The following PRUNE2 variants were observed in gnomAD, a reference collection of about 807,000 sequenced individuals.
The protein encoded by PRUNE2 is prune homolog 2 with BCH domain, also known as protein prune homolog 2.
Under a neutral mutation model 252.0 loss-of-function variants are expected in PRUNE2, and 164 were observed. The observed-to-expected ratio is 0.65, with a 90% CI of 0.57 to 0.74. The LOEUF is 0.74. PRUNE2 is among the 30% of genes least tolerant of loss of function. The probability of loss-of-function intolerance (pLI) is 0.00; values close to 1 mark genes in which losing one functional copy is unlikely to be tolerated. For synonymous variants in PRUNE2, 1,292 were observed against 1,350.2 expected (o/e 0.96, Z 0.94); for missense variants, 3,495 against 3,711.0 (o/e 0.94, Z 1.51).
chr9:76,789,842 C>T (rs2055384194), intron 6 of PRUNE2, among the ~76,000 whole-genome samples: 1 of 152,020 alleles, frequency 6.6e-6, no homozygotes, highest in East Asian at 1.9e-4. Flanking sequence ...TCTTGGTGGT[C>T]CCTAATGATG....
In PRUNE2 at chr9:76,622,822, G is replaced by T. The variant is rs188879417; in HGVS notation, c.9188+1630C>A. Among the ~76,000 whole-genome samples the T allele has an allele frequency of 3.1e-3, 468 of 152,282 alleles. 3 individuals carry two copies. The highest frequency in any genetic ancestry group is 5.6e-3 in the Admixed American group (85 of 15,290). On this transcript the variant is annotated intron_variant, in intron 17 of 18. Transcript: ENST00000376718. Reference sequence around the variant, plus strand: ...TTTGAGTTTCATTATCTAATTGGGTGTCAGTTATCTTGAAAGAAAATGAGA... The same window carrying T: ...TTTGAGTTTCATTATCTAATTGGGTTTCAGTTATCTTGAAAGAAAATGAGA...
intron 6 of PRUNE2, among the ~76,000 whole-genome samples, chr9:76,733,891 T>C (rs1404028509): frequency 1.3e-5 from 2 of 152,154 alleles, no homozygotes; most frequent in Non-Finnish European, 2.9e-5. Flanking sequence ...AAAGATTTTT[T>C]TTTAAAGCAG....
At chr9:76,684,554 T>G (rs1490004638) in intron 9 of PRUNE2, among the ~76,000 whole-genome samples, 7 of 152,168 alleles carry the variant, frequency 4.6e-5, no homozygotes, top group African/African-American at 1.7e-4. Context: ...TAACTTAGGG[T>G]TTCAATATTC....
chr9:76,806,954 C>T (rs932653281), intron 6 of PRUNE2, among the ~76,000 whole-genome samples: 6 of 151,678 alleles, frequency 4.0e-5, no homozygotes, highest in African/African-American at 9.7e-5. Flanking sequence ...GATCAGAAGC[C>T]GGTATGTGTC....
At chr9:76,831,580 A>T (rs2132116981) in intron 4 of PRUNE2, among the ~76,000 whole-genome samples, 1 of 152,248 alleles carries the variant, frequency 6.6e-6, no homozygotes, top group South Asian at 2.1e-4. Context: ...AGGTTCTAAG[A>T]TTGTCAGGGA....
chr9:76,884,831 ATTTGCTAAGGTAAC>A lies in PRUNE2; in HGVS notation c.36+21083_36+21096del, dbSNP rs1203701511. ...AACAGGATTCCAGAAAAGGCCAGTT[ATTTGCTAAGGTAAC>A]ACAGCTCCTACTTAGAAAGGAAAGC... On this transcript the variant is annotated intron_variant, in intron 1 of 18. Coordinates refer to ENST00000376718, the MANE Select transcript of PRUNE2 (RefSeq NM_015225.3). Among the ~76,000 whole-genome samples the A allele has an allele frequency of 9.2e-5, 14 of 152,356 alleles. No homozygotes were observed. In the East Asian group the frequency reaches 2.7e-3, roughly 29 times the overall value.
At chr9:76,675,704 G>C (rs2042407909) in intron 9 of PRUNE2, among the ~76,000 whole-genome samples, 1 of 120,622 alleles carries the variant, frequency 8.3e-6, no homozygotes, top group Non-Finnish European at 1.8e-5. Flanking sequence ...AGAAAATGTG[G>C]CACATATACA....
chr9:76,891,611 A>G (rs898275525), intron 1 of PRUNE2, among the ~76,000 whole-genome samples: 1 of 152,260 alleles, frequency 6.6e-6, no homozygotes, highest in Non-Finnish European at 1.5e-5. Flanking sequence ...CAGGATGAAT[A>G]GATTTCACCG....
Position 76,710,588 on chromosome 9 carries a change from G to A in PRUNE2, c.1686C>T (p.Ser562=). 3 of 1,613,732 alleles carry A rather than the reference G, an allele frequency of 1.9e-6. No individual in the cohort carries two copies. Among genetic ancestry groups the A allele is most frequent in the Non-Finnish European group, 2.5e-6 (3 of 1,179,768 alleles). Residue 562 remains serine, a synonymous_variant, in exon 8 of 19, where the codon AGC becomes AGT. Transcript: ENST00000376718. The part of the protein sequence containing the change: ...SSLLSGAGKD[S]LVEHDEEFVQ... Reference sequence around the variant, plus strand: ...CAAACTCCTCATCATGTTCCACAAGGCTATCTTTGCCAGCCCCTGACAAAA... The same window carrying A: ...CAAACTCCTCATCATGTTCCACAAGACTATCTTTGCCAGCCCCTGACAAAA...
chr9:76,708,622 T>C lies in PRUNE2; in HGVS notation c.3652A>G (p.Ser1218Gly). 1.2e-6 allele frequency: 2 copies of C among 1,613,984 alleles called. No individual in the cohort carries two copies. The highest frequency in any genetic ancestry group is 1.1e-5 in the South Asian group (1 of 91,082). The change falls in exon 8 of 19, where the codon AGT becomes GGT. Residue 1218 changes from serine (S) to glycine (G), a missense_variant. Ser to Gly is a moderately conservative substitution (Grantham distance 56, BLOSUM62 0). Coordinates refer to ENST00000376718, the MANE Select transcript of PRUNE2 (RefSeq NM_015225.3). ...TCTCTCATGACAGAATCCCAAATACTGTTTGCAATTAGCTGCCCACTTTTC... is the reference window on the plus strand; with the variant it reads ...TCTCTCATGACAGAATCCCAAATACCGTTTGCAATTAGCTGCCCACTTTTC... ...NEKSGQLIAN[S>G]IWDSVMRDKD... is the part of the protein sequence containing the mutation.
intron 1 of PRUNE2, among the ~76,000 whole-genome samples, chr9:76,868,303 C>T (rs1042056894): frequency 5.3e-5 from 8 of 152,128 alleles, no homozygotes; most frequent in African/African-American, 1.9e-4. Flanking sequence ...TGTCTTTTTC[C>T]ACTCTTCCAA....
At chr9:76,676,257 AT>A (rs1473339242) in intron 9 of PRUNE2, among the ~76,000 whole-genome samples, 5 of 134,744 alleles carry the variant, frequency 3.7e-5, no homozygotes, top group Non-Finnish European at 4.8e-5. Context: ...AAAAAAAAAA[AT>A]CTTCCACTCA....
Position 76,708,796 on chromosome 9 carries a change from C to T in PRUNE2, c.3478G>A (p.Gly1160Ser). ...GTAAATCGGGTTTCCGGCTCGGAACCTTCAGCCATGTATCCTTCTGTTTGA... is the reference window on the plus strand; with the variant it reads ...GTAAATCGGGTTTCCGGCTCGGAACTTTCAGCCATGTATCCTTCTGTTTGA... ...DGQTEGYMAEGSEPETRFTVR... is the reference protein window; with the variant it reads ...DGQTEGYMAESSEPETRFTVR... Residue 1160 changes from glycine (G) to serine (S), a missense_variant, in exon 8 of 19, where the codon GGT becomes AGT. Physicochemically the swap from Gly to Ser is moderately conservative, Grantham distance 56. Transcript: ENST00000376718. 2 of 1,613,966 alleles carry T rather than the reference C, an allele frequency of 1.2e-6. No homozygotes were observed. The highest frequency in any genetic ancestry group is 1.1e-5 in the South Asian group (1 of 91,080).
At chr9:76,636,131 C>T (rs1290969462) in intron 15 of PRUNE2, among the ~76,000 whole-genome samples, 6 of 152,180 alleles carry the variant, frequency 3.9e-5, no homozygotes, top group Non-Finnish European at 7.3e-5. Context: ...TATTACTCTA[C>T]CTTTCTATTC....
At chr9:76,876,637 T>G (rs2061491800) in intron 1 of PRUNE2, among the ~76,000 whole-genome samples, 1 of 152,134 alleles carries the variant, frequency 6.6e-6, no homozygotes, top group Non-Finnish European at 1.5e-5. Context: ...CCCACCATTT[T>G]TAGTGGAATC....
chr9:76,809,525 G>A (rs578160925), intron 6 of PRUNE2, among the ~76,000 whole-genome samples: 9 of 152,194 alleles, frequency 5.9e-5, no homozygotes, highest in Non-Finnish European at 1.3e-4. Flanking sequence ...GTGAAACCCC[G>A]TCTTTACTAA....
chr9:76,737,705 A>G (rs2049201348), intron 6 of PRUNE2: 1 of 152,248 alleles, frequency 6.6e-6, no homozygotes, highest in South Asian at 2.1e-4. Context: ...ACTCATTTCA[A>G]TGAATTGAAG....
chr9:76,759,606 C>T (rs2051497573), intron 6 of PRUNE2: 2 of 152,256 alleles, frequency 1.3e-5, no homozygotes, highest in Admixed American at 6.5e-5. Flanking sequence ...CTTCCCACTC[C>T]ATTCCCTTTC....
chr9:76,798,489 C>T (rs893962719), intron 6 of PRUNE2, among the ~76,000 whole-genome samples: 1 of 152,196 alleles, frequency 6.6e-6, no homozygotes, highest in African/African-American at 2.4e-5. Context: ...AGGCTCAGTA[C>T]TCTCCCATGG....
Sources: allele counts gnomAD v4.1 joint callset (sites outside exome capture counted in the v4.1 genomes callset), GRCh38; gene constraint gnomAD v4.1.1; transcripts MANE v1.5; gene names NCBI Gene and HGNC (gene_info 2026-07-23, HGNC 2026-07-21).